The following ULK2 variants were observed in gnomAD, a reference collection of about 807,000 sequenced individuals.
ULK2 encodes unc-51 like autophagy activating kinase 2.
ULK2 carries 76 observed loss-of-function variants against 127.5 expected under a neutral mutation model. That is an observed-to-expected ratio of 0.60 (90% CI 0.50 to 0.72). The LOEUF is 0.72. Ranked by LOEUF, ULK2 falls within the 30% of genes least tolerant of loss-of-function variation. The probability of loss-of-function intolerance (pLI) is 0.00; values close to 1 mark genes in which losing one functional copy is unlikely to be tolerated. For missense variants in ULK2, 1,144 were observed against 1,295.9 expected (o/e 0.88, Z 1.80); for synonymous variants, 452 against 461.9 (o/e 0.98, Z 0.28).
At chr17:19,804,884 T>C in intron 14 of ULK2, 54 bp from the exon 15 acceptor site, 1 of 1,590,648 alleles carries the variant, frequency 6.3e-7, no homozygotes, top group Non-Finnish European at 8.6e-7. Context: ...ATTGTTTTTC[T>C]TTCATTTGAC....
chr17:19,851,633 C>T (rs1363198191), intron 3 of ULK2, among the ~76,000 whole-genome samples: 1 of 151,446 alleles, frequency 6.6e-6, no homozygotes, highest in Non-Finnish European at 1.5e-5. Context: ...GAATAAGACC[C>T]CATCACAAAA....
In ULK2 at chr17:19,777,721, A is replaced by C. The variant is rs754611232; in HGVS notation, c.2917-5T>G. 1 of 1,593,916 alleles carries C rather than the reference A, an allele frequency of 6.3e-7. No individual in the cohort carries two copies. Among genetic ancestry groups the C allele is most frequent in the South Asian group, 1.1e-5 (1 of 87,128 alleles). On this transcript the variant is annotated splice_polypyrimidine_tract_variant and splice_region_variant and intron_variant, in intron 25 of 26. Coordinates refer to ENST00000395544, the MANE Select transcript of ULK2 (RefSeq NM_014683.4). ...ATCCAGGGCTGCAGACTGAACCTGG[A>C]ACCAGTCAACAAAAACACAATTCTC...
chr17:19,792,802 T>C (rs1402238084), intron 20 of ULK2, among the ~76,000 whole-genome samples: 3 of 151,720 alleles, frequency 2.0e-5, no homozygotes, highest in African/African-American at 4.8e-5. Context: ...AAAATTCATA[T>C]GGAAACTCAA....
At chr17:19,824,766 G>C (rs1446176190) in intron 12 of ULK2, among the ~76,000 whole-genome samples, 3 of 152,086 alleles carry the variant, frequency 2.0e-5, no homozygotes, top group African/African-American at 7.2e-5. Context: ...AATATTTATT[G>C]CCTATCCACC....
At chr17:19,864,774 A>G in intron 3 of ULK2, 29 bp downstream of exon 3, 1 of 1,101,600 alleles carries the variant, frequency 9.1e-7, no homozygotes, top group African/African-American at 1.6e-5. Flanking sequence ...AATTTATTTT[A>G]ATTTTTAAAA....
intron 12 of ULK2, among the ~76,000 whole-genome samples, chr17:19,821,375 T>C (rs1164542999): frequency 6.6e-6 from 1 of 151,950 alleles, no homozygotes; most frequent in Non-Finnish European, 1.5e-5. Context: ...CTAGTCAGTA[T>C]CATAATTAAA....
At chr17:19,789,988 T>C (rs1405450507) in intron 20 of ULK2, among the ~76,000 whole-genome samples, 2 of 143,692 alleles carry the variant, frequency 1.4e-5, no homozygotes, top group East Asian at 4.1e-4. Context: ...TCAAAAATAA[T>C]AACTACAACT....
Position 19,799,524 on chromosome 17 carries a change from C to T in ULK2, c.1493G>A (p.Gly498Asp), listed in dbSNP as rs2087348515. ...FSQCCCGHPQ[G>D]HDSRSRNSSG... ...GGAGTTTCTACTCCTGGAGTCATGG[C>T]CCTGAGGATGCCCACAGCAGCACTG... Residue 498 changes from glycine to aspartate, a missense_variant, in exon 17 of 27, where the codon GGC (glycine) becomes GAC (aspartate). Transcript: ENST00000395544. 2 of 1,592,142 alleles carry T rather than the reference C, an allele frequency of 1.3e-6. No individual in the cohort carries two copies. The highest frequency in any genetic ancestry group is 1.7e-6 in the Non-Finnish European group (2 of 1,172,798).
intron 9 of ULK2, chr17:19,840,396 GCT>G: frequency 1.9e-6 from 1 of 513,108 alleles, no homozygotes; most frequent in Non-Finnish European, 3.9e-6. Context: ...ACTCTTGGGC[GCT>G]CTGTGTGCAT....
chr17:19,843,811 A>G (rs1196685378), intron 7 of ULK2, among the ~76,000 whole-genome samples: 1 of 151,882 alleles, frequency 6.6e-6, no homozygotes, highest in Non-Finnish European at 1.5e-5. Context: ...CGCGCCTGCA[A>G]CCATGCCCAG....
intron 26 of ULK2, among the ~76,000 whole-genome samples, 155 bp downstream of exon 26, chr17:19,777,426 G>T (rs2086832579): frequency 6.6e-6 from 1 of 152,134 alleles, no homozygotes; most frequent in Admixed American, 6.6e-5. Flanking sequence ...TTATGAAAAA[G>T]AAGCTGAGGC....
chr17:19,862,183 G>A (rs1214263363), intron 3 of ULK2, among the ~76,000 whole-genome samples: 1 of 149,742 alleles, frequency 6.7e-6, no homozygotes, highest in African/African-American at 2.5e-5. Context: ...TGCAACCTCC[G>A]CCTCCCGGGT....
chr17:19,859,092 C>A (rs928475639), intron 3 of ULK2, among the ~76,000 whole-genome samples: 1 of 152,182 alleles, frequency 6.6e-6, no homozygotes, highest in African/African-American at 2.4e-5. Context: ...CAGTTCGAGA[C>A]CAGCCTGGGC....
chr17:19,831,864 A>C (rs1298166681), intron 10 of ULK2, among the ~76,000 whole-genome samples: 1 of 150,752 alleles, frequency 6.6e-6, no homozygotes, highest in Non-Finnish European at 1.5e-5. Flanking sequence ...GGTGGCTCAC[A>C]CTTGTAATCC....
chr17:19,861,436 T>G (rs2152403037), intron 3 of ULK2, among the ~76,000 whole-genome samples: 1 of 152,202 alleles, frequency 6.6e-6, no homozygotes, highest in East Asian at 1.9e-4. Flanking sequence ...TCCTAGCTAC[T>G]CTGGAGGCTG....
chr17:19,863,068 G>T (rs951125545), intron 3 of ULK2, among the ~76,000 whole-genome samples: 7 of 152,068 alleles, frequency 4.6e-5, no homozygotes, highest in African/African-American at 1.7e-4. Context: ...ACAATAATTA[G>T]CTGGACTTGG....
At chr17:19,848,860 G>A (rs969630027) in intron 5 of ULK2, among the ~76,000 whole-genome samples, 1 of 151,712 alleles carries the variant, frequency 6.6e-6, no homozygotes, top group Non-Finnish European at 1.5e-5. Flanking sequence ...ATGCATTTTG[G>A]GTTCAGAATT....
intron 18 of ULK2, 151 bp downstream of exon 18, chr17:19,797,245 T>G: frequency 1.3e-6 from 1 of 796,016 alleles, no homozygotes; most frequent in Non-Finnish European, 1.8e-6. Context: ...TGTGATGAGC[T>G]GAGGTTGTGC....
In ULK2 at chr17:19,785,108, TTTACAGATTA is replaced by T. The variant is rs1307622757; in HGVS notation, c.2251+819_2251+828del. Reference sequence around the variant, plus strand: ...TTTCTTAAGTTTTGGTATTAACCTATTTACAGATTATAAATGATAAATCTATTAGCCTTCT... The same window carrying T: ...TTTCTTAAGTTTTGGTATTAACCTATTAAATGATAAATCTATTAGCCTTCT... On this transcript the variant is annotated intron_variant, in intron 21 of 26. Transcript: ENST00000395544. Among the ~76,000 whole-genome samples, 4 of 152,260 alleles carry T rather than the reference TTTACAGATTA, an allele frequency of 2.6e-5. No homozygotes were observed. The East Asian group carries it at 7.7e-4, about 29-fold the overall frequency.
Sources: allele counts gnomAD v4.1 joint callset (sites outside exome capture counted in the v4.1 genomes callset), GRCh38; gene constraint gnomAD v4.1.1; transcripts MANE v1.5; gene names NCBI Gene and HGNC (gene_info 2026-07-23, HGNC 2026-07-21).